CD226: variants seen among roughly 807,000 people sequenced by gnomAD.
CD226 encodes CD226 antigen.
In CD226, 24 loss-of-function variants were observed where a neutral mutation model predicts 34.9. The ratio of observed to expected loss-of-function variants is 0.69; its 90% CI spans 0.50 to 0.97. The LOEUF (loss-of-function observed/expected upper bound fraction) is 0.97, where lower values mean the gene tolerates loss of function less well. Ranked by LOEUF, CD226 falls within the 50% of genes least tolerant of loss-of-function variation. The pLI is 0.00. For missense variants in CD226, 397 were observed against 412.7 expected, an observed-to-expected ratio of 0.96 and a Z score of 0.33; for synonymous variants, 148 against 147.4, an observed-to-expected ratio of 1.00 and a Z score of -0.03.
intron 1 of CD226, among the ~76,000 whole-genome samples, chr18:69,956,327 A>G (rs918942857): frequency 6.6e-6 from 1 of 152,234 alleles, no homozygotes; most frequent in African/African-American, 2.4e-5. Flanking sequence ...TTACAGAAAA[A>G]GTTTCCCAAC....
chr18:69,950,857 A>T (rs948325518), upstream of CD226, among the ~76,000 whole-genome samples: 1 of 152,160 alleles, frequency 6.6e-6, no homozygotes, highest in South Asian at 2.1e-4. Flanking sequence ...ACCATCACCC[A>T]TTTCACTTTC....
chr18:69,924,628 C>T (rs2055497378), intron 2 of CD226, among the ~76,000 whole-genome samples: 1 of 105,490 alleles, frequency 9.5e-6, no homozygotes. Context: ...CCAAGTGCTT[C>T]AAATAAAACC....
chr18:69,949,695 T>C (rs1599035288), upstream of CD226, among the ~76,000 whole-genome samples: 1 of 151,168 alleles, frequency 6.6e-6, no homozygotes, highest in African/African-American at 2.4e-5. Flanking sequence ...ACATGCAGTC[T>C]CACATATGCA....
At chr18:69,893,828 T>C (rs1985044784) in intron 3 of CD226, among the ~76,000 whole-genome samples, 1 of 152,228 alleles carries the variant, frequency 6.6e-6, no homozygotes, top group Non-Finnish European at 1.5e-5. Context: ...CCAAGGTGAT[T>C]GTGTATGAAA....
rs184944999 is a variant in CD226 at position 69,857,534 on chromosome 18, G to A, written c.*6780C>T. 1 of 152,146 alleles carries A rather than the reference G, an allele frequency of 6.6e-6. No homozygotes were observed. The highest frequency in any genetic ancestry group is 1.5e-5 in the Non-Finnish European group (1 of 68,034). 9.4% of individuals were successfully genotyped at this position (152,146 alleles called of 1,614,324 possible). A position where few individuals can be genotyped will look rare whatever the true frequency, so the allele number is the denominator to read the frequency against. ...TAAAGGATGTAATGAATACATGATT[G>A]AATAAGGATATATCTTAAGAATGCA... On this transcript the variant is annotated 3_prime_UTR_variant, in exon 6 of 6. Transcript: ENST00000582621.
chr18:69,866,958 G>A (rs1170287516), intron 5 of CD226, among the ~76,000 whole-genome samples: 2 of 152,090 alleles, frequency 1.3e-5, no homozygotes, highest in Non-Finnish European at 2.9e-5. Flanking sequence ...CTCATCCCAC[G>A]AAGAAACCAG....
rs114238716 is a variant in CD226 at position 69,911,567 on chromosome 18, G to A, written c.383-15522C>T. On this transcript the variant is annotated intron_variant, in intron 2 of 5. Coordinates refer to ENST00000582621, the MANE Select transcript of CD226 (RefSeq NM_001303618.2). ...CAGGCACTCCACTTCACCCATCCCCGCAGGTCGGCAATACTCACACACACG... is the reference window on the plus strand; with the variant it reads ...CAGGCACTCCACTTCACCCATCCCCACAGGTCGGCAATACTCACACACACG... 5.5e-3 allele frequency among the ~76,000 whole-genome samples: 831 copies of A among 152,164 alleles called. 5 individuals are homozygous for A. The highest frequency in any genetic ancestry group is 0.019 in the African/African-American group (799 of 41,506).
At chr18:69,905,126 C>T (rs1052384400) in intron 2 of CD226, among the ~76,000 whole-genome samples, 9 of 152,172 alleles carry the variant, frequency 5.9e-5, no homozygotes, top group African/African-American at 2.2e-4. Context: ...CTTACCTAGG[C>T]AGGGCGTCTA....
chr18:69,905,851 A>C (rs574504254), intron 2 of CD226, among the ~76,000 whole-genome samples: 1 of 152,368 alleles, frequency 6.6e-6, no homozygotes, highest in East Asian at 1.9e-4. Context: ...CAGAGCTGTG[A>C]GTTTCAGAAG....
At chr18:69,884,053 A>G (rs1299265043) in intron 3 of CD226, among the ~76,000 whole-genome samples, 1 of 152,266 alleles carries the variant, frequency 6.6e-6, no homozygotes, top group Non-Finnish European at 1.5e-5. Context: ...ACATTTAGAC[A>G]GAATAAGCCA....
At chr18:69,903,193 C>G (rs745433585) in intron 2 of CD226, among the ~76,000 whole-genome samples, 13 of 152,230 alleles carry the variant, frequency 8.5e-5, no homozygotes, top group Non-Finnish European at 1.2e-4. Context: ...TCCAAGGATG[C>G]CTTTGCCTGC....
intron 2 of CD226, among the ~76,000 whole-genome samples, chr18:69,937,871 A>G (rs961378857): frequency 6.6e-6 from 1 of 152,208 alleles, no homozygotes; most frequent in Non-Finnish European, 1.5e-5. Context: ...AACTGCCATC[A>G]ATTCTGGAGC....
intron 2 of CD226, among the ~76,000 whole-genome samples, chr18:69,906,022 C>T (rs1047003387): frequency 6.6e-6 from 1 of 152,224 alleles, no homozygotes; most frequent in East Asian, 1.9e-4. Context: ...CAATTTCCTT[C>T]CTCTTCTCAT....
upstream of CD226, among the ~76,000 whole-genome samples, chr18:69,958,318 G>A (rs145899025): frequency 1.3e-4 from 20 of 152,232 alleles, no homozygotes; most frequent in East Asian, 3.5e-3. Context: ...AGAATAGGAC[G>A]AAGCCATGCA....
rs79812348 is a variant in CD226 at position 69,877,661 on chromosome 18, G to A, written c.728-4415C>T. ...AGGTCAGAGAGAACTTCTGTTTCCT[G>A]AGGCCTGAAGTGCCCCAACATTATA... On this transcript the variant is annotated intron_variant, in intron 3 of 5. Coordinates refer to ENST00000582621, the MANE Select transcript of CD226 (RefSeq NM_001303618.2). 6.0e-3 allele frequency among the ~76,000 whole-genome samples: 917 copies of A among 152,272 alleles called. 33 individuals carry two copies. In the East Asian group the frequency reaches 0.09, roughly 15 times the overall value.
At chr18:69,946,180 CAAAAAAAAAAAA>C (rs60750165) in intron 2 of CD226, among the ~76,000 whole-genome samples, 3 of 66,394 alleles carry the variant, frequency 4.5e-5, no homozygotes, top group African/African-American at 2.2e-4. Context: ...AAGACTCCAT[CAAAAAAAAAAAA>C]AAAAAAAAAA....
chr18:69,943,267 G>T (rs1387507872), intron 2 of CD226, among the ~76,000 whole-genome samples: 2 of 152,172 alleles, frequency 1.3e-5, no homozygotes, highest in African/African-American at 4.8e-5. Flanking sequence ...TTCTGTAAAT[G>T]CAACTATATT....
At chr18:69,877,642 G>A (rs551862488) in intron 3 of CD226, among the ~76,000 whole-genome samples, 17 of 152,298 alleles carry the variant, frequency 1.1e-4, no homozygotes, top group African/African-American at 4.1e-4. Flanking sequence ...GAGAAGGTCA[G>A]AGAGAACTTC....
intron 2 of CD226, among the ~76,000 whole-genome samples, chr18:69,938,891 G>C (rs1369418988): frequency 1.3e-5 from 2 of 152,212 alleles, no homozygotes; most frequent in African/African-American, 4.8e-5. Flanking sequence ...TTTGAGATCA[G>C]CCTGGCCAAC....
Sources: allele counts gnomAD v4.1 joint callset (sites outside exome capture counted in the v4.1 genomes callset), GRCh38; gene constraint gnomAD v4.1.1; transcripts MANE v1.5; gene names NCBI Gene and HGNC (gene_info 2026-07-23, HGNC 2026-07-21).